The following FEZ2 variants were observed in gnomAD, a reference collection of about 807,000 sequenced individuals.
FEZ2 encodes fasciculation and elongation protein zeta 2.
In FEZ2, 51 loss-of-function variants were observed where a neutral mutation model predicts 40.4. The ratio of observed to expected loss-of-function variants is 1.26; its 90% CI spans 1.01 to 1.59. FEZ2 has a LOEUF of 1.59. Among genes scored for constraint, FEZ2 ranks in the 40% most tolerant of loss-of-function variants. FEZ2 has a pLI of 0.00. For missense variants in FEZ2, 640 were observed against 438.3 expected (o/e 1.46, Z -4.11); for synonymous variants, 242 against 172.0 (o/e 1.41, Z -3.18).
chr2:36,571,113 A>G (rs1668397146), intron 5 of FEZ2, among the ~76,000 whole-genome samples: 1 of 152,234 alleles, frequency 6.6e-6, no homozygotes, highest in African/African-American at 2.4e-5. Flanking sequence ...ACTGATGATG[A>G]CATATATTTC....
chr2:36,561,929 A>T (rs1260708306), intron 5 of FEZ2, among the ~76,000 whole-genome samples: 1 of 152,238 alleles, frequency 6.6e-6, no homozygotes, highest in Admixed American at 6.5e-5. Context: ...AGTGTAGTCC[A>T]GGGACCCCCT....
intron 4 of FEZ2, among the ~76,000 whole-genome samples, chr2:36,580,094 T>G (rs572700636): frequency 7.6e-4 from 116 of 152,346 alleles, no homozygotes; most frequent in Non-Finnish European, 1.3e-3. Flanking sequence ...CTCAGACTTC[T>G]GGCCTCCAGA....
In FEZ2 at chr2:36,583,336, G is replaced by A. The variant is rs754523434; in HGVS notation, c.492+17C>T. 2 of 1,307,134 alleles carry A rather than the reference G, an allele frequency of 1.5e-6. No individual in the cohort carries two copies. The highest frequency in any genetic ancestry group is 1.7e-5 in the Admixed American group (1 of 58,110). The allele number at this position is 1,307,134 out of a possible 1,614,324, so 81.0% of individuals were successfully genotyped here. A position where few individuals can be genotyped will look rare whatever the true frequency, so the allele number is the denominator to read the frequency against. On this transcript the variant is annotated intron_variant, in intron 3 of 7. Transcript: ENST00000405912. Reference sequence around the variant, plus strand: ...TAGAGTCTCCTTTCCTTGCGTTGCTGAGGATCTCCTCTATACCTGGTCTGC... The same window carrying A: ...TAGAGTCTCCTTTCCTTGCGTTGCTAAGGATCTCCTCTATACCTGGTCTGC...
At chr2:36,564,724 G>C (rs1167727381) in intron 5 of FEZ2, among the ~76,000 whole-genome samples, 1 of 152,036 alleles carries the variant, frequency 6.6e-6, no homozygotes, top group Non-Finnish European at 1.5e-5. Flanking sequence ...GGACAAGGGA[G>C]ATCTTCTCAG....
At chr2:36,560,399 C>G (rs1440554557) in intron 5 of FEZ2, among the ~76,000 whole-genome samples, 2 of 152,114 alleles carry the variant, frequency 1.3e-5, no homozygotes, top group African/African-American at 4.8e-5. Flanking sequence ...GGCCTTCTTC[C>G]CCCAAAAATG....
intron 2 of FEZ2, among the ~76,000 whole-genome samples, chr2:36,586,626 C>CA (rs35106853): frequency 0.18 from 22,126 of 121,726 alleles, 2,089 homozygotes; most frequent in Non-Finnish European, 0.24. Context: ...GACCATGTCT[C>CA]AAAAAAAAAA....
chr2:36,579,835 G>A (rs1668680975), intron 4 of FEZ2, among the ~76,000 whole-genome samples: 1 of 152,214 alleles, frequency 6.6e-6, no homozygotes, highest in Non-Finnish European at 1.5e-5. Flanking sequence ...TGCCCCTTGT[G>A]ACAGATAGGA....
At chr2:36,597,268 C>G (rs896436186) in intron 1 of FEZ2, among the ~76,000 whole-genome samples, 1 of 152,178 alleles carries the variant, frequency 6.6e-6, no homozygotes, top group Admixed American at 6.5e-5. Context: ...GGCACACTCC[C>G]ACTCATCAGT....
rs180884933 is a variant in FEZ2 at position 36,584,853 on chromosome 2, G to A, written c.376-1384C>T. Among the ~76,000 whole-genome samples the A allele has an allele frequency of 1.1e-3, 173 of 152,294 alleles. 1 individual carries two copies. Among genetic ancestry groups the A allele is most frequent in the African/African-American group, 4.0e-3 (166 of 41,546 alleles). ...AGAGTAAGAAACCTGCACGTGAGAA[G>A]GGCCAAGGGAAGAAGCACTGGCACA... On this transcript the variant is annotated intron_variant, in intron 2 of 7. Coordinates refer to ENST00000405912, the MANE Select transcript of FEZ2 (RefSeq NM_005102.3).
chr2:36,595,419 C>CA (rs1360348705), intron 1 of FEZ2, among the ~76,000 whole-genome samples: 1 of 152,066 alleles, frequency 6.6e-6, no homozygotes, highest in Non-Finnish European at 1.5e-5. Context: ...CTAGAACCCT[C>CA]ACTTGTGCAG....
At chr2:36,579,751 G>T (rs914291942) in intron 4 of FEZ2, among the ~76,000 whole-genome samples, 1 of 152,060 alleles carries the variant, frequency 6.6e-6, no homozygotes, top group African/African-American at 2.4e-5. Flanking sequence ...GTGCAAGAAT[G>T]GACTAAAAAA....
At chr2:36,572,017 GAAAAAA>G (rs34787798) in intron 5 of FEZ2, among the ~76,000 whole-genome samples, 5 of 110,108 alleles carry the variant, frequency 4.5e-5, no homozygotes, top group African/African-American at 1.2e-4. Flanking sequence ...TCCGTCTCAG[GAAAAAA>G]AAAAAAAAAA....
chr2:36,554,355 A>C, intron 7 of FEZ2: 1 of 470,250 alleles, frequency 2.1e-6, no homozygotes, highest in African/African-American at 2.0e-5. Context: ...TAAATGCTAA[A>C]ATAGCTAGAG....
chr2:36,581,187 A>T (rs1245975487), intron 4 of FEZ2, 103 bp downstream of exon 4: 1 of 1,108,026 alleles, frequency 9.0e-7, no homozygotes, highest in Non-Finnish European at 1.3e-6. Flanking sequence ...ACACAAACAC[A>T]AACAGAAGGA....
intron 1 of FEZ2, among the ~76,000 whole-genome samples, chr2:36,596,628 T>C (rs1226265066): frequency 6.6e-6 from 1 of 152,134 alleles, no homozygotes; most frequent in African/African-American, 2.4e-5. Flanking sequence ...CGGACTTCAC[T>C]AATTTTTTTT....
intron 6 of FEZ2, chr2:36,556,097 C>A (rs1040376873): frequency 2.7e-5 from 13 of 478,438 alleles, no homozygotes; most frequent in African/African-American, 2.6e-4. Context: ...CTATAATGTG[C>A]ACCTCAATGA....
intron 6 of FEZ2, chr2:36,557,293 A>C (rs1249695491): frequency 6.6e-6 from 1 of 152,212 alleles, no homozygotes; most frequent in African/African-American, 2.4e-5. Flanking sequence ...TAAGAGGGCT[A>C]GCTACCCAGT....
intron 5 of FEZ2, among the ~76,000 whole-genome samples, chr2:36,572,306 C>T (rs1273512537): frequency 6.6e-6 from 1 of 152,146 alleles, no homozygotes; most frequent in Non-Finnish European, 1.5e-5. Flanking sequence ...ACTCAGGCTG[C>T]TGCTGAAGGG....
intron 1 of FEZ2, among the ~76,000 whole-genome samples, chr2:36,596,901 A>T (rs1402360942): frequency 6.6e-6 from 1 of 151,848 alleles, no homozygotes; most frequent in Admixed American, 6.6e-5. Flanking sequence ...CCTAATTACA[A>T]CTCTTACTTA....
Sources: gnomAD v4.1 joint callset for allele counts (sites outside exome capture counted in the v4.1 genomes callset) on GRCh38, gnomAD v4.1.1 for gene constraint, MANE v1.5 for transcripts, NCBI Gene and HGNC (gene_info 2026-07-23, HGNC 2026-07-21) for gene names.